ACOXL: variants seen among roughly 807,000 people sequenced by gnomAD.
ACOXL encodes acyl-coenzyme A oxidase-like protein.
A neutral mutation model predicts 71.9 loss-of-function variants in ACOXL; 70 were observed. The ratio of observed to expected loss-of-function variants is 0.97; its 90% CI spans 0.80 to 1.19. ACOXL has a LOEUF of 1.19. Ranked by LOEUF, ACOXL falls within the 50% of genes most tolerant of loss-of-function variation. The pLI, the probability that ACOXL is intolerant of heterozygous loss-of-function variation, is 0.00. For synonymous variants in ACOXL, 253 were observed against 281.6 expected (o/e 0.90, Z 1.02); for missense variants, 703 against 736.3 (o/e 0.95, Z 0.52).
In ACOXL at chr2:110,769,885, A is replaced by G. The variant is rs561509633; in HGVS notation, c.75+1421A>G. ...AACCCCAAAAACCCCAAAACACTAA[A>G]CAAATACTAGCCAGGCATGGTGGCC... On this transcript the variant is annotated intron_variant, in intron 2 of 17. Coordinates refer to ENST00000439055, the MANE Select transcript of ACOXL (RefSeq NM_001142807.4). Among the ~76,000 whole-genome samples, 24 of 152,058 alleles carry G rather than the reference A, an allele frequency of 1.6e-4. 1 individual carries two copies. The highest frequency in any genetic ancestry group is 1.4e-3 in the Admixed American group (22 of 15,280).
chr2:111,069,350 C>T (rs2067229237), intron 16 of ACOXL, among the ~76,000 whole-genome samples: 1 of 151,986 alleles, frequency 6.6e-6, no homozygotes, highest in Non-Finnish European at 1.5e-5. Flanking sequence ...TGGGGTTTCA[C>T]CATGTTGGCC....
At chr2:111,082,938 A>T (rs2068004218) in intron 16 of ACOXL, among the ~76,000 whole-genome samples, 1 of 152,200 alleles carries the variant, frequency 6.6e-6, no homozygotes, top group Admixed American at 6.5e-5. Context: ...ACAAGAACAG[A>T]AAACCAAACA....
At chr2:110,960,695 G>T (rs2061669900) in intron 12 of ACOXL, among the ~76,000 whole-genome samples, 3 of 102,224 alleles carry the variant, frequency 2.9e-5, no homozygotes, top group Admixed American at 9.0e-5. Context: ...TAAATTTTCT[G>T]GGTTTTTTTT....
At chr2:110,977,481 G>C (rs888979435) in intron 12 of ACOXL, among the ~76,000 whole-genome samples, 2 of 152,046 alleles carry the variant, frequency 1.3e-5, no homozygotes, top group African/African-American at 4.8e-5. Flanking sequence ...GAAAGGAAGG[G>C]CTTTTCAAGA....
intron 14 of ACOXL, among the ~76,000 whole-genome samples, chr2:111,001,971 G>A (rs1372276994): frequency 6.6e-6 from 1 of 152,158 alleles, no homozygotes; most frequent in Non-Finnish European, 1.5e-5. Flanking sequence ...ACGCCCTCAT[G>A]GAGTGCCCAC....
In ACOXL at chr2:110,995,799, AAT is replaced by A. The variant is rs1351345553; in HGVS notation, c.1170-92_1170-91del. 1.1e-5 allele frequency: 10 copies of A among 892,090 alleles called. No homozygotes were observed. In the African/African-American group the frequency reaches 1.2e-4, roughly 11 times the overall value. The allele number at this position is 892,090 out of a possible 1,614,324, so 55.3% of individuals were successfully genotyped here. Reference sequence around the variant, plus strand: ...TTGACACTATTTTTCTACAGAAAAAAATAGTTTTAAAAAACAAACCTACTCTA... The same window carrying A: ...TTGACACTATTTTTCTACAGAAAAAAAGTTTTAAAAAACAAACCTACTCTA... On this transcript the variant is annotated intron_variant, in intron 13 of 17. Coordinates refer to ENST00000439055, the MANE Select transcript of ACOXL (RefSeq NM_001142807.4).
In ACOXL at chr2:111,061,462, A is replaced by C. The variant is rs1484381289; in HGVS notation, c.1440+12174A>C. On this transcript the variant is annotated intron_variant, in intron 16 of 17. Coordinates refer to ENST00000439055, the MANE Select transcript of ACOXL (RefSeq NM_001142807.4). ...GAGGAAGTCAAGCTATCCTCAGATT[A>C]GCTTGATTACCCAAATAAGTACACT... Among the ~76,000 whole-genome samples, 7 of 152,182 alleles carry C rather than the reference A, an allele frequency of 4.6e-5. No homozygotes were observed. The East Asian group carries it at 1.3e-3, about 29-fold the overall frequency.
chr2:111,044,549 C>T (rs893970019), intron 15 of ACOXL, among the ~76,000 whole-genome samples: 2 of 152,192 alleles, frequency 1.3e-5, no homozygotes, highest in Non-Finnish European at 2.9e-5. Context: ...AGCACTGAAG[C>T]CCCAGGTGCA....
intron 1 of ACOXL, among the ~76,000 whole-genome samples, chr2:110,748,344 C>G (rs1678495268): frequency 6.6e-6 from 1 of 152,084 alleles, no homozygotes; most frequent in African/African-American, 2.4e-5. Flanking sequence ...CGTGGAGTGC[C>G]CAGGATGCAG....
intron 1 of ACOXL, among the ~76,000 whole-genome samples, chr2:110,761,149 T>C (rs1680354571): frequency 6.6e-6 from 1 of 152,258 alleles, no homozygotes; most frequent in African/African-American, 2.4e-5. Context: ...TTCTTGTGGT[T>C]GTTGCTTTCA....
At chr2:111,063,549 G>GA (rs1405556942) in intron 16 of ACOXL, among the ~76,000 whole-genome samples, 3 of 152,036 alleles carry the variant, frequency 2.0e-5, no homozygotes, top group African/African-American at 7.2e-5. Context: ...AATTGATGCA[G>GA]AAAAAAGCAT....
At position 110,793,527 on chromosome 2, in the gene ACOXL, C is replaced by G; in HGVS notation, c.160-123C>G. 1.9e-5 allele frequency: 16 copies of G among 837,790 alleles called. 1 individual carries two copies. Among genetic ancestry groups the G allele is most frequent in the South Asian group, 1.6e-4 (11 of 67,246 alleles). 51.9% of individuals were successfully genotyped at this position (837,790 alleles called of 1,614,324 possible). A position where few individuals can be genotyped will look rare whatever the true frequency, so the allele number is the denominator to read the frequency against. ...GAAGGGCAAAGAAGCATGCCACTTG[C>G]AGGGCTTAGGTCAAGCACAGGGGGC... On this transcript the variant is annotated intron_variant, in intron 3 of 17. Coordinates refer to ENST00000439055, the MANE Select transcript of ACOXL (RefSeq NM_001142807.4).
intron 13 of ACOXL, 102 bp from the exon 14 acceptor site, chr2:110,995,791 C>A: frequency 1.2e-6 from 1 of 801,246 alleles, no homozygotes; most frequent in Non-Finnish European, 2.1e-6. Flanking sequence ...TATTTTTCTA[C>A]AGAAAAAAAT....
At chr2:110,886,839 C>T (rs1697356415) in intron 10 of ACOXL, 14 of 1,550,924 alleles carry the variant, frequency 9.0e-6, no homozygotes, top group Non-Finnish European at 1.2e-5. Context: ...TTGAGCCCCT[C>T]TTGTGGACCA....
At chr2:110,891,609 T>G (rs535550930) in intron 10 of ACOXL, among the ~76,000 whole-genome samples, 5 of 152,148 alleles carry the variant, frequency 3.3e-5, no homozygotes, top group African/African-American at 1.2e-4. Flanking sequence ...TCTCATTGTT[T>G]TTACTGAAAT....
intron 12 of ACOXL, among the ~76,000 whole-genome samples, chr2:110,976,753 A>C (rs1490011069): frequency 2.0e-5 from 3 of 152,310 alleles, no homozygotes; most frequent in Non-Finnish European, 2.9e-5. Context: ...ATTTCTGTTC[A>C]ACAGAAAGAA....
intron 12 of ACOXL, among the ~76,000 whole-genome samples, chr2:110,935,134 C>G (rs1261396158): frequency 1.3e-5 from 2 of 152,102 alleles, no homozygotes; most frequent in East Asian, 3.9e-4. Context: ...AGTGGCCCCT[C>G]AGGCAGGGAC....
At chr2:110,744,649 C>T (rs902583673) in intron 1 of ACOXL, among the ~76,000 whole-genome samples, 1 of 152,208 alleles carries the variant, frequency 6.6e-6, no homozygotes, top group East Asian at 1.9e-4. Context: ...ATCTTGTAAA[C>T]CCTGGAGGAA....
chr2:110,909,979 G>T (rs1159827172), intron 11 of ACOXL, among the ~76,000 whole-genome samples: 6 of 151,924 alleles, frequency 3.9e-5, no homozygotes, highest in Non-Finnish European at 8.8e-5. Context: ...TTTCTGAATG[G>T]TTTTTTTGAG....
Sources: allele counts gnomAD v4.1 joint callset (sites outside exome capture counted in the v4.1 genomes callset), GRCh38; gene constraint gnomAD v4.1.1; transcripts MANE v1.5; gene names NCBI Gene and HGNC (gene_info 2026-07-23, HGNC 2026-07-21).